The following CIROZ variants were observed in gnomAD, a reference collection of about 807,000 sequenced individuals.
CIROZ encodes ciliated left-right organizer protein containing ZP-N domains.
the CIROZ span, among the ~76,000 whole-genome samples, chr1:10,955,653 G>A: frequency 6.6e-6 from 1 of 152,046 alleles, no homozygotes; most frequent in Non-Finnish European, 1.5e-5. Context: ...GACCAGCCTG[G>A]CCTACATGGT....
the CIROZ span, among the ~76,000 whole-genome samples, chr1:10,975,126 G>A: frequency 2.0e-5 from 3 of 152,096 alleles, no homozygotes; most frequent in Non-Finnish European, 4.4e-5. Context: ...ACAAAAATTG[G>A]GCCGGGCGCG....
At chr1:10,962,321 C>T in the CIROZ span, among the ~76,000 whole-genome samples, 1 of 151,998 alleles carries the variant, frequency 6.6e-6, no homozygotes, top group Non-Finnish European at 1.5e-5. Context: ...GTAATGCATG[C>T]CTGTAATCCC....
chr1:10,978,100 C>T, the CIROZ span, among the ~76,000 whole-genome samples: 10 of 149,324 alleles, frequency 6.7e-5, no homozygotes, highest in African/African-American at 2.2e-4. Flanking sequence ...ACCCGAGAGG[C>T]GGAAGTCGCA....
chr1:10,951,745 A>AAAAAAAAAAAAAAAATAT, the CIROZ span, among the ~76,000 whole-genome samples: 6 of 119,204 alleles, frequency 5.0e-5, no homozygotes, highest in African/African-American at 1.8e-4. Flanking sequence ...AAAAAAAAAA[A>AAAAAAAAAAAAAAAATAT]ATATATATAT....
the CIROZ span, among the ~76,000 whole-genome samples, chr1:10,962,134 C>T: frequency 3.3e-5 from 5 of 152,006 alleles, no homozygotes; most frequent in Non-Finnish European, 4.4e-5. Context: ...TTGTTTGAGC[C>T]GCACAGTGCC....
chr1:10,978,709 CA>C, the CIROZ span, among the ~76,000 whole-genome samples: 1 of 149,630 alleles, frequency 6.7e-6, no homozygotes, highest in Non-Finnish European at 1.5e-5. Context: ...GACCCTGTCT[CA>C]AAAAAAAAGA....
chr1:10,980,413 G>C, the CIROZ span, among the ~76,000 whole-genome samples: 1 of 152,280 alleles, frequency 6.6e-6, no homozygotes. Flanking sequence ...GGGCTCTGCT[G>C]CCTGGACACT....
chr1:10,948,985 G>A, the CIROZ span: 2 of 750,946 alleles, frequency 2.7e-6, no homozygotes, highest in Non-Finnish European at 3.8e-6. Context: ...AACACAATAG[G>A]AGGCCAAGGC....
chr1:10,982,042 A>G, the CIROZ span: 1 of 1,537,124 alleles, frequency 6.5e-7, no homozygotes, highest in African/African-American at 1.4e-5. Context: ...CCACATCCTC[A>G]GGCCCAGCAG....
chr1:10,967,899 A>C, the CIROZ span, among the ~76,000 whole-genome samples: 2 of 152,164 alleles, frequency 1.3e-5, no homozygotes, highest in African/African-American at 4.8e-5. Context: ...ACTTGAACCC[A>C]GGAGGCGGAG....
At chr1:10,981,947 C>T in the CIROZ span, 3 of 1,527,098 alleles carry the variant, frequency 2.0e-6, no homozygotes, top group Non-Finnish European at 2.6e-6. Context: ...TTGGCTTCTT[C>T]AAGGAGTGTG....
chr1:10,961,813 G>A, the CIROZ span, among the ~76,000 whole-genome samples: 2 of 151,960 alleles, frequency 1.3e-5, no homozygotes, highest in Non-Finnish European at 2.9e-5. Flanking sequence ...AAAATCAACT[G>A]GCTTTAATTA....
At chr1:10,947,703 T>A in the CIROZ span, 2 of 1,539,032 alleles carry the variant, frequency 1.3e-6, no homozygotes, top group African/African-American at 2.8e-5. Flanking sequence ...CACACTGTCT[T>A]GAAGCTCAGG....
the CIROZ span, among the ~76,000 whole-genome samples, chr1:10,967,831 G>T: frequency 6.6e-6 from 1 of 152,166 alleles, no homozygotes; most frequent in Non-Finnish European, 1.5e-5. Context: ...AAAATTAGCT[G>T]GGAGTGGTGG....
chr1:10,979,061 G>A, the CIROZ span, among the ~76,000 whole-genome samples: 2 of 151,980 alleles, frequency 1.3e-5, no homozygotes, highest in Non-Finnish European at 1.5e-5. Flanking sequence ...GCACAGTCTC[G>A]GCTCACTGCA....
the CIROZ span, chr1:10,982,022 C>T: frequency 1.3e-6 from 2 of 1,537,234 alleles, no homozygotes; most frequent in Non-Finnish European, 1.7e-6. Context: ...CAGGCAAGTG[C>T]TGGGGACCCC....
At chr1:10,948,263 C>G in the CIROZ span, 4 of 1,613,960 alleles carry the variant, frequency 2.5e-6, no homozygotes, top group East Asian at 2.2e-5. Flanking sequence ...TCTGGCGTGG[C>G]CTCTCCACCT....
chr1:10,970,244 T>C, the CIROZ span, among the ~76,000 whole-genome samples: 1 of 152,004 alleles, frequency 6.6e-6, no homozygotes, highest in Non-Finnish European at 1.5e-5. Context: ...AGGGGTCATA[T>C]TGTCCTAACA....
At chr1:10,973,233 C>T in the CIROZ span, among the ~76,000 whole-genome samples, 10 of 151,448 alleles carry the variant, frequency 6.6e-5, no homozygotes, top group Non-Finnish European at 1.3e-4. Flanking sequence ...ATTAGCTGGG[C>T]GTGGTTGCGG....
Sources: allele counts gnomAD v4.1 joint callset (sites outside exome capture counted in the v4.1 genomes callset), GRCh38; gene constraint gnomAD v4.1.1; transcripts MANE v1.5; gene names NCBI Gene and HGNC (gene_info 2026-07-23, HGNC 2026-07-21).